The following GSG1L variants were observed in gnomAD, a reference collection of about 807,000 sequenced individuals.
The protein encoded by GSG1L is GSG1 like, also known as germ cell-specific gene 1-like protein.
In GSG1L, 24 loss-of-function variants were observed where a neutral mutation model predicts 42.1. The ratio of observed to expected loss-of-function variants is 0.57; its 90% CI spans 0.41 to 0.80. The LOEUF is 0.80. Ranked by LOEUF, GSG1L falls within the 30% of genes least tolerant of loss-of-function variation. The probability of loss-of-function intolerance (pLI) is 0.00; values close to 1 mark genes in which losing one functional copy is unlikely to be tolerated. For synonymous variants in GSG1L, 215 were observed against 203.5 expected (o/e 1.06, Z -0.48); for missense variants, 445 against 472.2 (o/e 0.94, Z 0.53).
chr16:27,894,880 T>C (rs72782189), intron 2 of GSG1L, among the ~76,000 whole-genome samples: 11,707 of 152,150 alleles, frequency 0.077, 539 homozygotes, highest in Non-Finnish European at 0.1. Flanking sequence ...TCCTGTTGTG[T>C]GTCTGGGGGC....
At chr16:27,852,409 A>C (rs1027785222) in intron 3 of GSG1L, among the ~76,000 whole-genome samples, 4 of 151,650 alleles carry the variant, frequency 2.6e-5, no homozygotes, top group African/African-American at 9.7e-5. Flanking sequence ...AGAGGCAGAC[A>C]CACAGGCTGG....
intron 2 of GSG1L, among the ~76,000 whole-genome samples, chr16:27,916,159 C>A (rs2084452789): frequency 6.6e-6 from 1 of 152,180 alleles, no homozygotes; most frequent in Non-Finnish European, 1.5e-5. Flanking sequence ...AAGGTGGAAC[C>A]AACTCTGCAG....
chr16:27,790,115 T>C lies in GSG1L; in HGVS notation c.*1255A>G, dbSNP rs1474232684. On this transcript the variant is annotated 3_prime_UTR_variant, in exon 7 of 7. Transcript: ENST00000447459. ...GAAGGATGGATGAATGAATGAATGA[T>C]GGATGGATGAGTGGAAAGATGAATT... The C allele has an allele frequency of 6.6e-6, 1 of 151,468 alleles. No homozygotes were observed. The allele number at this position is 151,468 out of a possible 1,614,324, so 9.4% of individuals were successfully genotyped here.
At chr16:28,009,503 C>G (rs1285847790) in intron 1 of GSG1L, among the ~76,000 whole-genome samples, 1 of 152,222 alleles carries the variant, frequency 6.6e-6, no homozygotes, top group East Asian at 1.9e-4. Context: ...AGGGCAGAGT[C>G]CCTGTATCAC....
intron 5 of GSG1L, among the ~76,000 whole-genome samples, chr16:27,810,476 TA>T (rs2083018929): frequency 6.6e-6 from 1 of 151,984 alleles, no homozygotes; most frequent in South Asian, 2.1e-4. Context: ...TCTCAAAAAG[TA>T]AAAAAGATCA....
At chr16:27,820,230 C>T (rs1025080419) in intron 5 of GSG1L, among the ~76,000 whole-genome samples, 6 of 152,040 alleles carry the variant, frequency 3.9e-5, no homozygotes, top group South Asian at 2.1e-4. Flanking sequence ...TGGGGCGGAG[C>T]GGGTTCTTCT....
At chr16:28,041,664 T>A (rs1485892862) in intron 1 of GSG1L, among the ~76,000 whole-genome samples, 2 of 152,084 alleles carry the variant, frequency 1.3e-5, no homozygotes, top group Admixed American at 1.3e-4. Flanking sequence ...ACCTAACAGA[T>A]CTCCCCAGGC....
intron 2 of GSG1L, among the ~76,000 whole-genome samples, chr16:27,905,149 A>G (rs1444947677): frequency 6.6e-6 from 1 of 152,184 alleles, no homozygotes; most frequent in Non-Finnish European, 1.5e-5. Flanking sequence ...TTTGTGCTAA[A>G]AATTCACCCC....
intron 3 of GSG1L, among the ~76,000 whole-genome samples, chr16:27,870,347 CTTCT>C (rs1330763646): frequency 3.3e-5 from 5 of 149,638 alleles, no homozygotes; most frequent in African/African-American, 1.0e-4. Context: ...TCTGTCTCTC[CTTCT>C]GTCTCTCTGT....
chr16:27,824,567 A>G (rs1234041973), intron 5 of GSG1L, among the ~76,000 whole-genome samples: 2 of 151,698 alleles, frequency 1.3e-5, no homozygotes, highest in Non-Finnish European at 2.9e-5. Context: ...GAAAAAAGGA[A>G]AAGAAATAGA....
At chr16:27,869,877 C>T (rs1458595229) in intron 3 of GSG1L, among the ~76,000 whole-genome samples, 2 of 133,404 alleles carry the variant, frequency 1.5e-5, no homozygotes, top group African/African-American at 5.5e-5. Flanking sequence ...CTCCCTCCAT[C>T]TCTCTGTCTC....
chr16:27,801,912 A>G (rs1338224040), intron 6 of GSG1L, among the ~76,000 whole-genome samples: 1 of 152,220 alleles, frequency 6.6e-6, no homozygotes. Context: ...TCCTGAGAAC[A>G]TGCACAAAGG....
intron 3 of GSG1L, among the ~76,000 whole-genome samples, chr16:27,874,114 T>G (rs1226624217): frequency 6.6e-6 from 1 of 152,196 alleles, no homozygotes; most frequent in Non-Finnish European, 1.5e-5. Flanking sequence ...AGAATTTGAC[T>G]AGCCCTTGTC....
chr16:27,888,539 CTTTCTTTCTTTCTT>C (rs2084079540), intron 2 of GSG1L, among the ~76,000 whole-genome samples: 1 of 28,506 alleles, frequency 3.5e-5, no homozygotes, highest in Non-Finnish European at 8.0e-5. Context: ...TTCTTTCTTT[CTTTCTTTCTTTCTT>C]TCTTTCTTTC....
At chr16:27,930,333 C>A (rs2084641648) in intron 2 of GSG1L, among the ~76,000 whole-genome samples, 1 of 152,224 alleles carries the variant, frequency 6.6e-6, no homozygotes, top group Admixed American at 6.5e-5. Flanking sequence ...TGAAGTGACA[C>A]CATCCCAGCG....
At chr16:28,062,356 A>T (rs1370118667) in intron 1 of GSG1L, among the ~76,000 whole-genome samples, 76 of 152,254 alleles carry the variant, frequency 5.0e-4, no homozygotes, top group Non-Finnish European at 9.0e-4. Context: ...ACCTAATAGG[A>T]GCCTTGTGCT....
chr16:27,995,463 C>A (rs1004988612), intron 1 of GSG1L, among the ~76,000 whole-genome samples: 4 of 152,112 alleles, frequency 2.6e-5, no homozygotes, highest in Admixed American at 2.0e-4. Context: ...CTGTAAAAAT[C>A]ATATAAGCAC....
chr16:27,899,125 G>A (rs59949249), intron 2 of GSG1L, among the ~76,000 whole-genome samples: 2,665 of 152,252 alleles, frequency 0.018, 55 homozygotes, highest in African/African-American at 0.046. Context: ...CATGGGAAGC[G>A]CCCCCAGACA....
At chr16:27,816,470 A>AAGTGAC (rs2083095575) in intron 5 of GSG1L, among the ~76,000 whole-genome samples, 1 of 152,208 alleles carries the variant, frequency 6.6e-6, no homozygotes, top group Admixed American at 6.5e-5. Flanking sequence ...GCCCCAGGGA[A>AAGTGAC]AGTGACAGTG....
Sources: gnomAD v4.1 joint callset for allele counts (sites outside exome capture counted in the v4.1 genomes callset) on GRCh38, gnomAD v4.1.1 for gene constraint, MANE v1.5 for transcripts, NCBI Gene and HGNC (gene_info 2026-07-23, HGNC 2026-07-21) for gene names.